Variants in CADM2 observed in about 807,000 individuals in gnomAD.
CADM2 encodes the protein immunoglobulin superfamily member 4D.
A neutral mutation model predicts 49.8 loss-of-function variants in CADM2; 12 were observed. The ratio of observed to expected loss-of-function variants is 0.24; its 90% CI spans 0.15 to 0.39. CADM2 has a LOEUF of 0.39. CADM2 is among the 10% of genes least tolerant of loss of function. CADM2 has a pLI of 1.00. For synonymous variants in CADM2, 214 were observed against 175.4 expected (o/e 1.22, Z -1.74); for missense variants, 378 against 492.3 (o/e 0.77, Z 2.20).
chr3:85,260,348 A>G (rs2042988829), intron 1 of CADM2, among the ~76,000 whole-genome samples: 1 of 152,114 alleles, frequency 6.6e-6, no homozygotes, highest in Admixed American at 6.6e-5. Context: ...GCTTTATGAC[A>G]CCATCTTTGT....
At chr3:85,671,021 A>G (rs1330165660) in intron 1 of CADM2, among the ~76,000 whole-genome samples, 2 of 152,134 alleles carry the variant, frequency 1.3e-5, no homozygotes, top group Non-Finnish European at 2.9e-5. Context: ...TTTTTTTCCA[A>G]CTAGTCCATT....
At chr3:85,438,541 T>G (rs549229602) in intron 1 of CADM2, among the ~76,000 whole-genome samples, 1 of 152,326 alleles carries the variant, frequency 6.6e-6, no homozygotes, top group East Asian at 1.9e-4. Context: ...AAGTGTTTGG[T>G]ACCATATTTG....
chr3:85,684,233 C>G, intron 1 of CADM2, among the ~76,000 whole-genome samples: 1 of 152,150 alleles, frequency 6.6e-6, no homozygotes, highest in Non-Finnish European at 1.5e-5. Flanking sequence ...AGGATTAATT[C>G]AAATTTAGAA....
At chr3:85,916,713 T>C (rs1204897000) in intron 6 of CADM2, among the ~76,000 whole-genome samples, 1 of 151,844 alleles carries the variant, frequency 6.6e-6, no homozygotes, top group African/African-American at 2.4e-5. Context: ...GGTCAAATGG[T>C]ATTTCTAGTT....
intron 1 of CADM2, among the ~76,000 whole-genome samples, chr3:85,158,993 T>C (rs2040231148): frequency 6.6e-6 from 1 of 152,092 alleles, no homozygotes; most frequent in South Asian, 2.1e-4. Flanking sequence ...GCTGAGAAAG[T>C]TCCGTTTACA....
intron 1 of CADM2, among the ~76,000 whole-genome samples, chr3:85,187,570 G>C (rs913866425): frequency 6.6e-6 from 1 of 151,980 alleles, no homozygotes; most frequent in Non-Finnish European, 1.5e-5. Context: ...CCAACTTGCT[G>C]GTTTATGAAC....
chr3:85,321,914 A>T (rs1315931488), intron 1 of CADM2, among the ~76,000 whole-genome samples: 1 of 152,234 alleles, frequency 6.6e-6, no homozygotes, highest in Non-Finnish European at 1.5e-5. Flanking sequence ...AGTGTCCTAT[A>T]TAATGCATGC....
chr3:85,658,576 GTATATATATATATATATA>G (rs397990421), intron 1 of CADM2, among the ~76,000 whole-genome samples: 68 of 68,732 alleles, frequency 9.9e-4, no homozygotes, highest in South Asian at 3.4e-3. Context: ...GGATATATGT[GTATATATATATATATATA>G]TATATATATA....
At chr3:85,153,618 G>C (rs2040005203) in intron 1 of CADM2, among the ~76,000 whole-genome samples, 1 of 152,156 alleles carries the variant, frequency 6.6e-6, no homozygotes. Flanking sequence ...GCCTCTGTAG[G>C]CTCCATCTCT....
chr3:85,439,383 C>T (rs937553184), intron 1 of CADM2, among the ~76,000 whole-genome samples: 2 of 149,812 alleles, frequency 1.3e-5, no homozygotes, highest in Non-Finnish European at 3.0e-5. Flanking sequence ...GGACTCCTGA[C>T]CTCAGCTGAT....
At chr3:85,360,853 C>T (rs1402418504) in intron 1 of CADM2, among the ~76,000 whole-genome samples, 1 of 152,134 alleles carries the variant, frequency 6.6e-6, no homozygotes, top group Non-Finnish European at 1.5e-5. Context: ...TTGTAGGTCT[C>T]ACTGAGCCAC....
intron 1 of CADM2, among the ~76,000 whole-genome samples, chr3:85,263,408 T>G (rs17022655): frequency 0.066 from 10,075 of 152,224 alleles, 1,097 homozygotes; most frequent in African/African-American, 0.23. Flanking sequence ...TTCTAAATGT[T>G]TCGTATAGTA....
intron 1 of CADM2, among the ~76,000 whole-genome samples, chr3:85,558,112 AGTGT>A (rs959363017): frequency 6.6e-6 from 1 of 151,460 alleles, no homozygotes; most frequent in African/African-American, 2.4e-5. Flanking sequence ...TGAGTCTGTG[AGTGT>A]GTGTGTGTGT....
chr3:85,461,514 C>T (rs1304298963), intron 1 of CADM2, among the ~76,000 whole-genome samples: 1 of 152,104 alleles, frequency 6.6e-6, no homozygotes, highest in Non-Finnish European at 1.5e-5. Context: ...TGTTATGTTT[C>T]TGAATATGCA....
chr3:85,478,388 T>C (rs2039070015), intron 1 of CADM2, among the ~76,000 whole-genome samples: 1 of 151,964 alleles, frequency 6.6e-6, no homozygotes, highest in Non-Finnish European at 1.5e-5. Flanking sequence ...ATTTTTATTT[T>C]TAAATATTTG....
chr3:85,265,296 A>G (rs1321021780), intron 1 of CADM2, among the ~76,000 whole-genome samples: 1 of 150,692 alleles, frequency 6.6e-6, no homozygotes, highest in African/African-American at 2.5e-5. Context: ...ACTATCAAGG[A>G]ATATTTTTTT....
chr3:85,083,190 AG>A (rs983749444), intron 1 of CADM2, among the ~76,000 whole-genome samples: 11 of 152,126 alleles, frequency 7.2e-5, no homozygotes, highest in African/African-American at 2.7e-4. Flanking sequence ...TAAATAAGAA[AG>A]CTTATTTTTC....
chr3:86,056,055 T>C (rs1166429435), intron 8 of CADM2, among the ~76,000 whole-genome samples: 4 of 152,206 alleles, frequency 2.6e-5, no homozygotes, highest in African/African-American at 9.6e-5. Flanking sequence ...AAAAACTTAT[T>C]TTATTTTCCG....
chr3:85,283,541 G>A (rs72919274), intron 1 of CADM2, among the ~76,000 whole-genome samples: 10,071 of 151,926 alleles, frequency 0.066, 1,092 homozygotes, highest in African/African-American at 0.23. Context: ...TAAATGGGCT[G>A]GTGTTCTGTA....
Sources: allele counts gnomAD v4.1 joint callset (sites outside exome capture counted in the v4.1 genomes callset), GRCh38; gene constraint gnomAD v4.1.1; transcripts MANE v1.5; gene names NCBI Gene and HGNC (gene_info 2026-07-23, HGNC 2026-07-21).